The following RALGPS1 variants were observed in gnomAD, a reference collection of about 807,000 sequenced individuals.
RALGPS1 encodes Ral GEF with PH domain and SH3 binding motif 1.
A neutral mutation model predicts 78.8 loss-of-function variants in RALGPS1; 19 were observed. The observed-to-expected ratio is 0.24, with a 90% CI of 0.17 to 0.35. The LOEUF (loss-of-function observed/expected upper bound fraction) is 0.35, where lower values mean the gene tolerates loss of function less well. Among genes scored for constraint, RALGPS1 ranks in the 10% least tolerant of loss-of-function variants. The pLI is 1.00. For synonymous variants in RALGPS1, 228 were observed against 256.3 expected, an observed-to-expected ratio of 0.89 and a Z score of 1.06; for missense variants, 454 against 688.3, an observed-to-expected ratio of 0.66 and a Z score of 3.81.
intron 4 of RALGPS1, among the ~76,000 whole-genome samples, chr9:127,024,565 ACAC>A (rs2134286056): frequency 6.6e-6 from 1 of 151,964 alleles, no homozygotes; most frequent in East Asian, 1.9e-4. Context: ...CCATCAAACA[ACAC>A]TTATTATTAT....
chr9:127,136,989 C>G (rs1210767699), intron 8 of RALGPS1, among the ~76,000 whole-genome samples: 1 of 152,006 alleles, frequency 6.6e-6, no homozygotes, highest in East Asian at 1.9e-4. Context: ...AACAGATGGC[C>G]ACAGGAATGA....
chr9:126,945,775 A>G (rs960884888), intron 1 of RALGPS1, among the ~76,000 whole-genome samples: 116 of 152,216 alleles, frequency 7.6e-4, no homozygotes, highest in African/African-American at 2.4e-3. Context: ...ACCTTATACC[A>G]TGGACTGAAT....
intron 5 of RALGPS1, among the ~76,000 whole-genome samples, chr9:127,035,921 G>A (rs2046827756): frequency 6.6e-6 from 1 of 151,958 alleles, no homozygotes; most frequent in Non-Finnish European, 1.5e-5. Flanking sequence ...AAAAAAGTGT[G>A]AGAATTTTGT....
chr9:127,066,085 C>T (rs970585139), intron 7 of RALGPS1, among the ~76,000 whole-genome samples: 2 of 152,160 alleles, frequency 1.3e-5, no homozygotes, highest in African/African-American at 4.8e-5. Context: ...GGCTGATCAG[C>T]TCTGAGGTGC....
At chr9:127,177,912 A>T (rs2059973543) in intron 11 of RALGPS1, 1 of 1,549,048 alleles carries the variant, frequency 6.5e-7, no homozygotes, top group African/African-American at 1.4e-5. Context: ...TGAGACCAGA[A>T]ACCAGCAAGC....
chr9:126,993,058 A>G (rs539286062), intron 4 of RALGPS1, among the ~76,000 whole-genome samples: 5 of 152,308 alleles, frequency 3.3e-5, no homozygotes, highest in South Asian at 2.1e-4. Context: ...TTGTATTCCT[A>G]ATTTACTAAG....
At chr9:126,952,671 G>GTGTGTGTGTGTGTGTA in intron 1 of RALGPS1, among the ~76,000 whole-genome samples, 1 of 150,180 alleles carries the variant, frequency 6.7e-6, no homozygotes, top group Admixed American at 6.6e-5. Context: ...GTGTGTGTGT[G>GTGTGTGTGTGTGTGTA]TGTGTGTGTC....
chr9:126,918,151 T>C (rs1046033322), intron 1 of RALGPS1, among the ~76,000 whole-genome samples: 5 of 152,220 alleles, frequency 3.3e-5, no homozygotes, highest in African/African-American at 1.2e-4. Flanking sequence ...TGCACAAAAA[T>C]ATTGTAACAT....
Position 126,995,851 on chromosome 9 carries a change from C to G in RALGPS1, c.216+18106C>G, listed in dbSNP as rs950943138. Among the ~76,000 whole-genome samples, 115 of 152,188 alleles carry G rather than the reference C, an allele frequency of 7.6e-4. 2 individuals are homozygous for G. The highest frequency in any genetic ancestry group is 3.1e-4 in the Non-Finnish European group (21 of 68,036). On this transcript the variant is annotated intron_variant, in intron 4 of 18. Transcript: ENST00000259351. The stretch of plus-strand genomic sequence containing the variant: ...ACTGTCTCTCAGAACACAGTGCAAT[C>G]AAACTAGAACTCAGGATTAAGAAAC...
At chr9:127,108,699 G>A (rs759533136) in intron 8 of RALGPS1, 25 of 1,612,520 alleles carry the variant, frequency 1.6e-5, no homozygotes, top group Middle Eastern at 3.5e-4. Flanking sequence ...CCAGCAGTCC[G>A]AGCCACCAGC....
Position 127,151,248 on chromosome 9 carries a change from G to C in RALGPS1, c.611-14821G>C, listed in dbSNP as rs1483096766. On this transcript the variant is annotated intron_variant, in intron 8 of 18. Coordinates refer to ENST00000259351, the MANE Select transcript of RALGPS1 (RefSeq NM_014636.3). ...ACAGCTGCTGCTGCCGCCGGTCTGT[G>C]ATGGTGAAACAACCCCATAGATTTA... 2.0e-5 allele frequency among the ~76,000 whole-genome samples: 3 copies of C among 151,904 alleles called. No individual in the cohort carries two copies. In the South Asian group the frequency reaches 6.2e-4, roughly 32 times the overall value.
intron 8 of RALGPS1, among the ~76,000 whole-genome samples, chr9:127,090,893 G>A (rs1000049814): frequency 1.3e-5 from 2 of 152,170 alleles, no homozygotes; most frequent in Non-Finnish European, 2.9e-5. Context: ...TGGACTCAGG[G>A]CCAGACCATA....
chr9:127,130,791 C>T (rs1395936104), intron 8 of RALGPS1, among the ~76,000 whole-genome samples: 1 of 152,316 alleles, frequency 6.6e-6, no homozygotes, highest in East Asian at 1.9e-4. Context: ...TCCAGGGTCA[C>T]ACAATGGGCC....
chr9:127,093,890 C>T, intron 8 of RALGPS1: 1 of 1,614,034 alleles, frequency 6.2e-7, no homozygotes, highest in East Asian at 2.2e-5. Context: ...GGTGTCGTGG[C>T]CATCCTCCAG....
Position 127,212,030 on chromosome 9 carries a change from G to C in RALGPS1, c.1248-101G>C, listed in dbSNP as rs1588594173. 2.2e-6 allele frequency: 2 copies of C among 904,884 alleles called. No homozygotes were observed. Among genetic ancestry groups the C allele is most frequent in the East Asian group, 5.2e-5 (2 of 38,110 alleles). 56.1% of individuals were successfully genotyped at this position (904,884 alleles called of 1,614,324 possible). A position where few individuals can be genotyped will look rare whatever the true frequency, so the allele number is the denominator to read the frequency against. On this transcript the variant is annotated intron_variant, in intron 14 of 18. Coordinates refer to ENST00000259351, the MANE Select transcript of RALGPS1 (RefSeq NM_014636.3). The surrounding 1 kb of genome is among the most constrained non-coding windows in gnomAD (Gnocchi z 6.0). ...GCCGTTAAGTCTGGACTGCTGGGAT[G>C]TCATGGACTTGGTAGTGGGGCACCT...
intron 8 of RALGPS1, among the ~76,000 whole-genome samples, chr9:127,137,098 A>G (rs2075904675): frequency 6.6e-6 from 1 of 152,254 alleles, no homozygotes. Context: ...CTGAAAGTAT[A>G]CATGGGTAAC....
chr9:127,095,475 A>T (rs149744111), intron 8 of RALGPS1, among the ~76,000 whole-genome samples: 4 of 152,350 alleles, frequency 2.6e-5, no homozygotes, highest in African/African-American at 4.8e-5. Flanking sequence ...GTACCATTGT[A>T]TGTTTTCTAT....
intron 1 of RALGPS1, among the ~76,000 whole-genome samples, chr9:126,958,142 A>AAAAAATATAT (rs113413659): frequency 3.9e-5 from 3 of 77,100 alleles, no homozygotes; most frequent in South Asian, 1.0e-3. Flanking sequence ...AAAAAAAAAA[A>AAAAAATATAT]ATATATATAT....
At chr9:126,946,674 A>C (rs1310931372) in intron 1 of RALGPS1, among the ~76,000 whole-genome samples, 1 of 152,062 alleles carries the variant, frequency 6.6e-6, no homozygotes, top group African/African-American at 2.4e-5. Context: ...AGGCTTCCAG[A>C]ATAGCAGGGC....
Sources: allele counts gnomAD v4.1 joint callset (sites outside exome capture counted in the v4.1 genomes callset), GRCh38; gene constraint gnomAD v4.1.1; non-coding constraint Gnocchi (gnomAD v3.1); transcripts MANE v1.5; gene names NCBI Gene and HGNC (gene_info 2026-07-23, HGNC 2026-07-21).